The following RBM6 variants were observed in gnomAD, a reference collection of about 807,000 sequenced individuals.
The protein encoded by RBM6 is RNA-binding protein 6.
Under a neutral mutation model 140.4 loss-of-function variants are expected in RBM6, and 23 were observed. The ratio of observed to expected loss-of-function variants is 0.16; its 90% CI spans 0.12 to 0.23. The LOEUF (loss-of-function observed/expected upper bound fraction) is 0.23, where lower values mean the gene tolerates loss of function less well. RBM6 is among the 10% of genes least tolerant of loss of function. The pLI is 1.00. For missense variants in RBM6, 1,139 were observed against 1,386.7 expected (o/e 0.82, Z 2.84); for synonymous variants, 439 against 475.6 (o/e 0.92, Z 1.00).
Position 50,077,167 on chromosome 3 carries a change from C to T in RBM6, c.*34C>T. The T allele has an allele frequency of 6.4e-7, 1 of 1,574,604 alleles. No homozygotes were observed. Among genetic ancestry groups the T allele is most frequent in the Middle Eastern group, 2.1e-4 (1 of 4,776 alleles). On this transcript the variant is annotated 3_prime_UTR_variant, in exon 21 of 21. Transcript: ENST00000266022. ...ACAAGTTCCATGGGATACAACCTCCCTCTTGTTTTGTTTGTCTCTCCTTTT... is the reference window on the plus strand; with the variant it reads ...ACAAGTTCCATGGGATACAACCTCCTTCTTGTTTTGTTTGTCTCTCCTTTT...
rs748990943 is a variant in RBM6, at chr3:50,054,376, C to G, written c.1674C>G (p.Phe558Leu). The G allele has an allele frequency of 4.3e-6, 7 of 1,612,882 alleles. No homozygotes were observed. The South Asian group carries it at 7.7e-5, about 18-fold the overall frequency. Residue 558 changes from phenylalanine (F) to leucine (L), a missense_variant, in exon 8 of 21, where the codon TTC (phenylalanine) becomes TTG (leucine). Around this residue, in one of 9 missense-constraint regions of RBM6, gnomAD observed 58 missense variants for 99.7 expected, o/e 0.58. Coordinates refer to ENST00000266022, the MANE Select transcript of RBM6 (RefSeq NM_005777.3). ...GTGGGCACCGATCTTCCTGTTCATT[C>G]TGCAAGAACCCAAGAGAAGGTGAGT... is the stretch of plus-strand genomic sequence containing the variant. ...NIGGHRSSCS[F>L]CKNPREVTEA...
intron 12 of RBM6, 54 bp downstream of exon 12, chr3:50,061,052 G>A (rs1285802303): frequency 6.2e-7 from 1 of 1,605,650 alleles, no homozygotes; most frequent in African/African-American, 1.3e-5. Flanking sequence ...TGACTATAAG[G>A]GTGATCTTGA....
intron 2 of RBM6, among the ~76,000 whole-genome samples, chr3:49,965,934 T>G (rs1433065261): frequency 1.3e-5 from 2 of 152,040 alleles, no homozygotes; most frequent in East Asian, 3.9e-4. Flanking sequence ...AAGACCAGCC[T>G]GGGCAGCATG....
At chr3:49,956,535 T>G (rs1023573089) in intron 1 of RBM6, among the ~76,000 whole-genome samples, 10 of 152,108 alleles carry the variant, frequency 6.6e-5, no homozygotes, top group Admixed American at 5.9e-4. Flanking sequence ...TTTCTCTATG[T>G]TGGTCAGGCT....
chr3:49,967,688 G>C lies in RBM6; in HGVS notation c.263G>C (p.Gly88Ala). 1 of 1,614,146 alleles carries C rather than the reference G, an allele frequency of 6.2e-7. No individual in the cohort carries two copies. Reference protein sequence around the residue: ...RDGPHGDYRGGEGPGHDFRGG... With the variant: ...RDGPHGDYRGAEGPGHDFRGG... ...GGACCGCATGGTGACTATCGAGGAG[G>C]GGAGGGACCTGGACATGATTTCAGG... The change falls in exon 3 of 21, where the codon GGG becomes GCG. Residue 88 changes from glycine (G) to alanine (A), a missense_variant. Gly to Ala is a moderately conservative substitution (Grantham distance 60). Transcript: ENST00000266022. The surrounding 1 kb of genome is among the most constrained non-coding windows in gnomAD (Gnocchi z 4.0).
chr3:50,006,216 A>C (rs918733188), intron 6 of RBM6, among the ~76,000 whole-genome samples: 3 of 150,358 alleles, frequency 2.0e-5, no homozygotes, highest in Non-Finnish European at 3.0e-5. Flanking sequence ...GCTCACTGCA[A>C]CCTCCGCCTC....
intron 1 of RBM6, among the ~76,000 whole-genome samples, chr3:49,958,260 C>T (rs948212614): frequency 7.2e-6 from 1 of 138,886 alleles, no homozygotes. Flanking sequence ...CCCGTCTCTA[C>T]TAAAAACACA....
chr3:49,981,988 A>G lies in RBM6; in HGVS notation c.1483+6596A>G, dbSNP rs139404355. On this transcript the variant is annotated intron_variant, in intron 5 of 20. Transcript: ENST00000266022. ...AAGTAATTATAGTAACTGAAGTGCT[A>G]CAGAATTACTTTAGTACTGGTTTAT... 2.7e-3 allele frequency among the ~76,000 whole-genome samples: 414 copies of G among 152,364 alleles called. 3 individuals carry two copies. The highest frequency in any genetic ancestry group is 9.1e-3 in the African/African-American group (380 of 41,582).
chr3:49,991,344 C>A (rs2085814961), intron 5 of RBM6, among the ~76,000 whole-genome samples: 1 of 152,094 alleles, frequency 6.6e-6, no homozygotes, highest in African/African-American at 2.4e-5. Flanking sequence ...ATTATGTAGG[C>A]AGGATTGATT....
At chr3:50,002,040 A>G (rs1559571049) in intron 6 of RBM6, among the ~76,000 whole-genome samples, 1 of 152,152 alleles carries the variant, frequency 6.6e-6, no homozygotes, top group Non-Finnish European at 1.5e-5. Context: ...TTTGAAATTC[A>G]GTGTCCTTCT....
chr3:49,953,968 C>G (rs1376901823), intron 1 of RBM6, among the ~76,000 whole-genome samples: 4 of 151,812 alleles, frequency 2.6e-5, no homozygotes, highest in Non-Finnish European at 5.9e-5. Flanking sequence ...CCTAGGTCTA[C>G]CAGAAATACA....
In RBM6 at chr3:50,057,835, G is replaced by C; in HGVS notation, c.1801G>C (p.Glu601Gln). The C allele has an allele frequency of 2.5e-6, 4 of 1,613,910 alleles. No homozygotes were observed. Among genetic ancestry groups the C allele is most frequent in the African/African-American group, 1.3e-5 (1 of 74,948 alleles). The change falls in exon 9 of 21, where the codon GAA (glutamate) becomes CAA (glutamine). Residue 601 changes from glutamate (E) to glutamine (Q), a missense_variant. Glu to Gln is a conservative substitution (Grantham distance 29). Transcript: ENST00000266022. Reference sequence around the variant, plus strand: ...CCAGCCCCTAAGACCAGCTGATAAGGAACCTGAACCCAGGAAGAGGGAAGA... The same window carrying C: ...CCAGCCCCTAAGACCAGCTGATAAGCAACCTGAACCCAGGAAGAGGGAAGA... ...PNQPLRPADK[E>Q]PEPRKREEGQ...
chr3:49,996,636 A>G (rs1229703029), intron 5 of RBM6, among the ~76,000 whole-genome samples: 2 of 152,182 alleles, frequency 1.3e-5, no homozygotes, highest in Admixed American at 6.6e-5. Flanking sequence ...TCTAATTTGC[A>G]TACTCAGGTC....
chr3:50,057,761 C>T lies in RBM6; in HGVS notation c.1727C>T (p.Pro576Leu). ...TEAKQELITY[P>L]QPQKTSIPAP... ...GCCAAGCAAGAATTAATAACCTACC[C>T]TCAGCCTCAGAAAACATCCATACCA... Residue 576 changes from proline to leucine, a missense_variant, in exon 9 of 21, where the codon CCT (proline) becomes CTT (leucine). Physicochemically the swap from Pro to Leu is moderately conservative, Grantham distance 98. Coordinates refer to ENST00000266022, the MANE Select transcript of RBM6 (RefSeq NM_005777.3). The T allele has an allele frequency of 1.9e-6, 3 of 1,613,272 alleles. No individual in the cohort carries two copies. Among genetic ancestry groups the T allele is most frequent in the South Asian group, 2.2e-5 (2 of 91,032 alleles).
chr3:50,005,476 C>T (rs1048960023), intron 6 of RBM6, among the ~76,000 whole-genome samples: 7 of 140,642 alleles, frequency 5.0e-5, no homozygotes, highest in East Asian at 2.0e-4. Flanking sequence ...GCAACCTGGG[C>T]GACAGAGAGA....
intron 1 of RBM6, among the ~76,000 whole-genome samples, chr3:49,962,202 TCA>T (rs2084314493): frequency 6.9e-6 from 1 of 145,228 alleles, no homozygotes; most frequent in Non-Finnish European, 1.5e-5. Context: ...GCCTGTAATC[TCA>T]CACTTTGGGA....
chr3:49,972,014 G>C (rs367642016), intron 3 of RBM6, 45 bp from the exon 4 acceptor site: 1 of 1,380,202 alleles, frequency 7.2e-7, no homozygotes, highest in Non-Finnish European at 1.0e-6. Context: ...TGTGTTTTGT[G>C]CAGTAAAGTA....
intron 15 of RBM6, among the ~76,000 whole-genome samples, chr3:50,064,346 C>T (rs2090046418): frequency 6.6e-6 from 1 of 152,136 alleles, no homozygotes; most frequent in Non-Finnish European, 1.5e-5. Context: ...GACTCTGCTT[C>T]AGCCACTTAA....
At chr3:49,979,933 G>C (rs2085227729) in intron 5 of RBM6, among the ~76,000 whole-genome samples, 1 of 152,068 alleles carries the variant, frequency 6.6e-6, no homozygotes, top group Non-Finnish European at 1.5e-5. Flanking sequence ...CTTGATTGTG[G>C]TGATGATGTA....
Sources: allele counts gnomAD v4.1 joint callset (sites outside exome capture counted in the v4.1 genomes callset), GRCh38; gene constraint gnomAD v4.1.1; regional missense constraint gnomAD v4.1.1; non-coding constraint Gnocchi (gnomAD v3.1); transcripts MANE v1.5; gene names NCBI Gene and HGNC (gene_info 2026-07-23, HGNC 2026-07-21).